TMEM132B: variants seen among roughly 807,000 people sequenced by gnomAD.
The protein encoded by TMEM132B is transmembrane protein 132B.
TMEM132B carries 18 observed loss-of-function variants against 90.8 expected under a neutral mutation model. The ratio of observed to expected loss-of-function variants is 0.20; its 90% confidence interval spans 0.14 to 0.29. The LOEUF (loss-of-function observed/expected upper bound fraction) is 0.29, where lower values mean the gene tolerates loss of function less well. TMEM132B is among the 10% of genes least tolerant of loss of function. The pLI is 1.00. For missense variants in TMEM132B, 1,096 were observed against 1,326.8 expected, an observed-to-expected ratio of 0.83 and a Z score of 2.70; for synonymous variants, 504 against 523.3, an observed-to-expected ratio of 0.96 and a Z score of 0.50.
chr12:125,455,083 G>A (rs1881256754), intron 3 of TMEM132B, among the ~76,000 whole-genome samples: 1 of 152,164 alleles, frequency 6.6e-6, no homozygotes, highest in African/African-American at 2.4e-5. Flanking sequence ...ACGATTCAAG[G>A]GAATTCTGGA....
At chr12:125,369,514 A>G (rs1878231330) in intron 2 of TMEM132B, among the ~76,000 whole-genome samples, 1 of 152,230 alleles carries the variant, frequency 6.6e-6, no homozygotes, top group African/African-American at 2.4e-5. Flanking sequence ...AAGAAAAAAG[A>G]GCTCTTGAAT....
chr12:125,344,961 T>A (rs1265880679), intron 1 of TMEM132B, among the ~76,000 whole-genome samples: 1 of 152,156 alleles, frequency 6.6e-6, no homozygotes, highest in African/African-American at 2.4e-5. Flanking sequence ...CAACCTGAAC[T>A]AATATTAATG....
chr12:125,343,035 G>A (rs1391704982), intron 1 of TMEM132B, among the ~76,000 whole-genome samples: 1 of 152,114 alleles, frequency 6.6e-6, no homozygotes, highest in African/African-American at 2.4e-5. Flanking sequence ...AGGTGTGGAA[G>A]GGTCTGTTCT....
At chr12:125,234,309 C>T (rs189830601) in intron 1 of TMEM132B, among the ~76,000 whole-genome samples, 6 of 152,310 alleles carry the variant, frequency 3.9e-5, no homozygotes, top group African/African-American at 9.6e-5. Flanking sequence ...CATCCTGTGA[C>T]ACCACTGCAA....
intron 1 of TMEM132B, among the ~76,000 whole-genome samples, chr12:125,332,992 A>ACTAACT (rs1876835639): frequency 6.6e-6 from 1 of 152,188 alleles, no homozygotes; most frequent in Non-Finnish European, 1.5e-5. Context: ...ATAAGTTACC[A>ACTAACT]CTAACTCGGT....
At chr12:125,510,780 G>A (rs1419232352) in intron 3 of TMEM132B, among the ~76,000 whole-genome samples, 1 of 151,902 alleles carries the variant, frequency 6.6e-6, no homozygotes, top group Non-Finnish European at 1.5e-5. Flanking sequence ...TTTTTTTGCA[G>A]TTTTTAATAT....
At chr12:125,427,464 A>C (rs1240279347) in intron 3 of TMEM132B, among the ~76,000 whole-genome samples, 1 of 152,248 alleles carries the variant, frequency 6.6e-6, no homozygotes, top group African/African-American at 2.4e-5. Context: ...GCTCCAGAGC[A>C]GTGCCTGGCA....
At chr12:125,474,773 G>A (rs1881826751) in intron 3 of TMEM132B, among the ~76,000 whole-genome samples, 1 of 152,210 alleles carries the variant, frequency 6.6e-6, no homozygotes. Flanking sequence ...CTGACCTGCT[G>A]TCAGGATACA....
rs1885519409 is a variant in TMEM132B at position 125,599,409 on chromosome 12, G to A, written c.1437+15415G>A. Among the ~76,000 whole-genome samples the A allele has an allele frequency of 3.3e-5, 5 of 152,134 alleles. No individual in the cohort carries two copies. In the South Asian group the frequency reaches 1.0e-3, roughly 31 times the overall value. On this transcript the variant is annotated intron_variant, in intron 5 of 8. Transcript: ENST00000682704. ...AGCAGTGTGAGAATGGATTAATACA[G>A]GGAGGAAAAAATCTTTCCAACCATC...
chr12:125,491,184 C>A (rs1319523090), intron 3 of TMEM132B, among the ~76,000 whole-genome samples: 1 of 152,024 alleles, frequency 6.6e-6, no homozygotes, highest in Non-Finnish European at 1.5e-5. Context: ...TTGTTTTAAT[C>A]TCCTAAATTT....
intron 5 of TMEM132B, among the ~76,000 whole-genome samples, chr12:125,610,617 ATCTCTC>A (rs138076677): frequency 2.1e-5 from 3 of 144,996 alleles, no homozygotes; most frequent in Admixed American, 7.0e-5. Context: ...ATGGTGTAAA[ATCTCTC>A]TCTCTCTCTC....
chr12:125,407,324 T>C lies in TMEM132B; in HGVS notation c.960-8207T>C, dbSNP rs1460757069. 6.6e-6 allele frequency among the ~76,000 whole-genome samples: 1 copy of C among 152,252 alleles called. No homozygotes were observed. Among genetic ancestry groups the C allele is most frequent in the African/African-American group, 2.4e-5 (1 of 41,466 alleles). ...AATCCTTTACTGCCCACCCACTATG[T>C]AGACAACCAAACAAACCCAAAACCC... On this transcript the variant is annotated intron_variant, in intron 2 of 8. Coordinates refer to ENST00000682704, the MANE Select transcript of TMEM132B (RefSeq NM_001366854.1). This position sits in a 1 kb window ranked among gnomAD's most constrained non-coding sequence, Gnocchi z 6.7.
At chr12:125,265,243 G>C (rs965888850) in intron 1 of TMEM132B, among the ~76,000 whole-genome samples, 2 of 152,090 alleles carry the variant, frequency 1.3e-5, no homozygotes, top group African/African-American at 4.8e-5. Context: ...CTTGTCTGCA[G>C]GGGATACATT....
At chr12:125,495,345 C>T (rs1298600850) in intron 3 of TMEM132B, among the ~76,000 whole-genome samples, 6 of 150,748 alleles carry the variant, frequency 4.0e-5, no homozygotes, top group Non-Finnish European at 8.8e-5. Context: ...CTGTGTCCCT[C>T]CTCCCCCTCT....
intron 4 of TMEM132B, among the ~76,000 whole-genome samples, chr12:125,566,678 T>C (rs376203442): frequency 1.3e-5 from 2 of 152,194 alleles, no homozygotes; most frequent in East Asian, 3.9e-4. Flanking sequence ...CCACAGTTGA[T>C]AGGGCTGGAT....
intron 1 of TMEM132B, among the ~76,000 whole-genome samples, chr12:125,191,398 C>T (rs1872784729): frequency 1.3e-5 from 2 of 152,042 alleles, no homozygotes; most frequent in South Asian, 2.1e-4. Flanking sequence ...ATCTGGAGGT[C>T]CAGAGATGCT....
At chr12:125,409,566 TG>T (rs1879628129) in intron 2 of TMEM132B, among the ~76,000 whole-genome samples, 1 of 143,136 alleles carries the variant, frequency 7.0e-6, no homozygotes, top group African/African-American at 2.7e-5. Context: ...GACAGTGGAG[TG>T]GAGTGAGTGG....
At chr12:125,556,186 A>C (rs1289538883) in intron 4 of TMEM132B, among the ~76,000 whole-genome samples, 1 of 152,168 alleles carries the variant, frequency 6.6e-6, no homozygotes, top group African/African-American at 2.4e-5. Context: ...TCCTCAGTTA[A>C]CTGATTTTTC....
Position 125,459,838 on chromosome 12 carries a change from TC to T in TMEM132B, c.1106+44166del, listed in dbSNP as rs201085880. Among the ~76,000 whole-genome samples, 77 of 152,242 alleles carry T rather than the reference TC, an allele frequency of 5.1e-4. No individual in the cohort carries two copies. The East Asian group carries it at 0.014, about 28-fold the overall frequency. ...AGATAATTGAATCATGGGAGCAGTT[TC>T]CCCCATACTGTTTTCACGGTAGTGG... On this transcript the variant is annotated intron_variant, in intron 3 of 8. Transcript: ENST00000682704. This position sits in a 1 kb window ranked among gnomAD's most constrained non-coding sequence, Gnocchi z 4.1.
Sources: allele counts gnomAD v4.1 joint callset (sites outside exome capture counted in the v4.1 genomes callset), GRCh38; gene constraint gnomAD v4.1.1; non-coding constraint Gnocchi (gnomAD v3.1); transcripts MANE v1.5; gene names NCBI Gene and HGNC (gene_info 2026-07-23, HGNC 2026-07-21).